Variants in KLF11 observed in about 807,000 individuals in gnomAD.
KLF11 encodes Krueppel-like factor 11.
In KLF11, 26 loss-of-function variants were observed where a neutral mutation model predicts 29.9. The observed-to-expected ratio is 0.87, with a 90% CI of 0.64 to 1.21. The LOEUF (loss-of-function observed/expected upper bound fraction) is 1.21, where lower values mean the gene tolerates loss of function less well. Ranked by LOEUF, KLF11 falls within the 50% of genes most tolerant of loss-of-function variation. The probability of loss-of-function intolerance (pLI) is 0.00; values close to 1 mark genes in which losing one functional copy is unlikely to be tolerated. For synonymous variants in KLF11, 318 were observed against 257.4 expected, an observed-to-expected ratio of 1.24 and a Z score of -2.25; for missense variants, 778 against 665.7, an observed-to-expected ratio of 1.17 and a Z score of -1.86.
chr2:10,043,918 CG>C, intron 1 of KLF11, 160 bp downstream of exon 1: 1 of 1,014,872 alleles, frequency 9.9e-7, no homozygotes. Flanking sequence ...CGGAGCCGGG[CG>C]GGGCGGCGGC....
At chr2:10,045,841 C>T (rs976936753) in intron 1 of KLF11, among the ~76,000 whole-genome samples, 5 of 152,260 alleles carry the variant, frequency 3.3e-5, no homozygotes, top group Non-Finnish European at 7.3e-5. Context: ...TGGCTTGAAC[C>T]TCAGGAGTTA....
intron 3 of KLF11, among the ~76,000 whole-genome samples, chr2:10,050,892 C>CATTTT (rs1661382316): frequency 1.8e-5 from 1 of 54,824 alleles, no homozygotes; most frequent in Non-Finnish European, 3.1e-5. Context: ...TAGATGCTAC[C>CATTTT]TTTTTTTTTT....
chr2:10,043,784 G>A, intron 1 of KLF11, 26 bp downstream of exon 1: 1 of 1,366,872 alleles, frequency 7.3e-7, no homozygotes, highest in East Asian at 3.9e-5. Flanking sequence ...GCCGCGGCGG[G>A]ACTACTCGTC....
chr2:10,053,191 A>G lies in KLF11; in HGVS notation c.*684A>G. On this transcript the variant is annotated 3_prime_UTR_variant, in exon 4 of 4. Coordinates refer to ENST00000305883, the MANE Select transcript of KLF11 (RefSeq NM_003597.5). Reference sequence around the variant, plus strand: ...AAGAACTAAAATTTTGGTTGACTGGAACTAGTGAGCTGTGTCCATGGTGTG... The same window carrying G: ...AAGAACTAAAATTTTGGTTGACTGGGACTAGTGAGCTGTGTCCATGGTGTG... 3 of 399,420 alleles carry G rather than the reference A, an allele frequency of 7.5e-6. No homozygotes were observed. The highest frequency in any genetic ancestry group is 1.3e-5 in the Non-Finnish European group (3 of 226,746). The allele number at this position is 399,420 out of a possible 1,614,324, so 24.7% of individuals were successfully genotyped here. A position where few individuals can be genotyped will look rare whatever the true frequency, so the allele number is the denominator to read the frequency against.
At chr2:10,044,249 C>A in intron 1 of KLF11, 4 of 978,718 alleles carry the variant, frequency 4.1e-6, no homozygotes, top group Non-Finnish European at 4.9e-6. Flanking sequence ...GGTCTAGGGG[C>A]CGGGGCAACG....
intron 3 of KLF11, among the ~76,000 whole-genome samples, chr2:10,051,636 G>T (rs1291841045): frequency 6.6e-6 from 1 of 152,022 alleles, no homozygotes; most frequent in Non-Finnish European, 1.5e-5. Context: ...TCCTGCCTTA[G>T]CCTCCCAAGT....
At chr2:10,044,001 C>A in intron 1 of KLF11, 1 of 781,494 alleles carries the variant, frequency 1.3e-6, no homozygotes, top group Non-Finnish European at 1.6e-6. Context: ...TCTTGCGCTT[C>A]CTGGGCGGCC....
At chr2:10,051,684 G>A (rs998528809) in intron 3 of KLF11, among the ~76,000 whole-genome samples, 1 of 151,044 alleles carries the variant, frequency 6.6e-6, no homozygotes, top group Non-Finnish European at 1.5e-5. Context: ...CACCCGGCTA[G>A]TTTTTTGTAT....
chr2:10,043,887 G>C, intron 1 of KLF11, 129 bp downstream of exon 1: 1 of 1,077,458 alleles, frequency 9.3e-7, no homozygotes, highest in South Asian at 3.3e-5. Flanking sequence ...CGGCCGCGCC[G>C]GTAGGGGCCT....
At chr2:10,051,062 A>G (rs77464265) in intron 3 of KLF11, among the ~76,000 whole-genome samples, 8,019 of 149,456 alleles carry the variant, frequency 0.054, 331 homozygotes, top group East Asian at 0.17. Context: ...GCCAGCTACC[A>G]TGCCTGGCTA....
intron 1 of KLF11, among the ~76,000 whole-genome samples, chr2:10,044,785 C>T (rs1661134146): frequency 6.6e-6 from 1 of 151,890 alleles, no homozygotes; most frequent in Non-Finnish European, 1.5e-5. Context: ...CCTCTCGCCC[C>T]CGGCTTAGTT....
intron 1 of KLF11, chr2:10,044,044 A>G (rs899311244): frequency 4.4e-5 from 31 of 699,784 alleles, no homozygotes; most frequent in Non-Finnish European, 5.5e-5. Flanking sequence ...ATTTCCAGCC[A>G]TGACGTCACC....
At position 10,047,628 on chromosome 2, in the gene KLF11, AACATGG is replaced by A; in HGVS notation, c.313-21_313-16del. Reference sequence around the variant, plus strand: ...CTTTTAAAATTTAAAGCAACCTTTTAACATGGTACTTTTTTTTTTAGTGCATAACTC... The same window carrying A: ...CTTTTAAAATTTAAAGCAACCTTTTATACTTTTTTTTTTAGTGCATAACTC... On this transcript the variant is annotated splice_polypyrimidine_tract_variant and intron_variant, in intron 2 of 3. Transcript: ENST00000305883. The A allele has an allele frequency of 6.3e-7, 1 of 1,593,748 alleles. No homozygotes were observed. Among genetic ancestry groups the A allele is most frequent in the Non-Finnish European group, 8.6e-7 (1 of 1,163,950 alleles).
At chr2:10,048,882 G>GTTCA (rs1371584891) in intron 3 of KLF11, among the ~76,000 whole-genome samples, 10 of 135,976 alleles carry the variant, frequency 7.4e-5, no homozygotes, top group African/African-American at 2.8e-4. Flanking sequence ...GCCCCCTTCT[G>GTTCA]TTCACATTGC....
chr2:10,048,691 C>T (rs1328520534), intron 3 of KLF11, 96 bp downstream of exon 3: 3 of 916,298 alleles, frequency 3.3e-6, no homozygotes, highest in South Asian at 1.3e-5. Flanking sequence ...ATCATGAGAA[C>T]CCCTGGCGAA....
chr2:10,047,081 A>G (rs576840090), intron 2 of KLF11, among the ~76,000 whole-genome samples: 3 of 152,284 alleles, frequency 2.0e-5, no homozygotes, highest in African/African-American at 7.2e-5. Context: ...TGGAGAAAGC[A>G]TGTACTTTGA....
At chr2:10,050,588 A>G (rs1172686770) in intron 3 of KLF11, among the ~76,000 whole-genome samples, 1 of 152,008 alleles carries the variant, frequency 6.6e-6, no homozygotes, top group Non-Finnish European at 1.5e-5. Context: ...ACGCTCCTGT[A>G]GTCCCAGCTA....
At chr2:10,051,427 G>A (rs771873939) in intron 3 of KLF11, among the ~76,000 whole-genome samples, 19 of 151,406 alleles carry the variant, frequency 1.3e-4, no homozygotes, top group Admixed American at 1.3e-4. Flanking sequence ...GGCTGGTCTC[G>A]AACTTCTGAC....
chr2:10,052,478 C>T lies in KLF11; in HGVS notation c.1510C>T (p.Pro504Ser). ...RIASAESPGSPLVSMPASA is the reference protein window; with the variant it reads ...RIASAESPGSSLVSMPASA ...CGCCTCTGCAGAGAGCCCGGGGAGC[C>T]CACTGGTGAGCATGCCAGCCTCTGC... The change falls in exon 4 of 4, where the codon CCA becomes TCA. Residue 504 changes from proline (P) to serine (S), a missense_variant. By Grantham distance (74) the Pro-to-Ser change is moderately conservative (BLOSUM62 -1). Coordinates refer to ENST00000305883, the MANE Select transcript of KLF11 (RefSeq NM_003597.5). 1 of 1,613,984 alleles carries T rather than the reference C, an allele frequency of 6.2e-7. No homozygotes were observed. The highest frequency in any genetic ancestry group is 8.5e-7 in the Non-Finnish European group (1 of 1,180,006).
Sources: allele counts gnomAD v4.1 joint callset (sites outside exome capture counted in the v4.1 genomes callset), GRCh38; gene constraint gnomAD v4.1.1; transcripts MANE v1.5; gene names NCBI Gene and HGNC (gene_info 2026-07-23, HGNC 2026-07-21).